The following MACROD1 variants were observed in gnomAD, a reference collection of about 807,000 sequenced individuals.
The protein encoded by MACROD1 is ADP-ribose glycohydrolase MACROD1.
Under a neutral mutation model 41.4 loss-of-function variants are expected in MACROD1, and 31 were observed. That is an observed-to-expected ratio of 0.75 (90% CI 0.56 to 1.01). The LOEUF (loss-of-function observed/expected upper bound fraction) is 1.01, where lower values mean the gene tolerates loss of function less well. Among genes scored for constraint, MACROD1 ranks in the 50% least tolerant of loss-of-function variants. The pLI, the probability that MACROD1 is intolerant of heterozygous loss-of-function variation, is 0.00. For missense variants in MACROD1, 473 were observed against 460.0 expected (o/e 1.03, Z -0.26); for synonymous variants, 252 against 203.4 (o/e 1.24, Z -2.03).
chr11:64,114,549 A>C (rs1171011168), intron 3 of MACROD1, among the ~76,000 whole-genome samples: 1 of 38,480 alleles, frequency 2.6e-5, no homozygotes, highest in African/African-American at 4.3e-5. Context: ...GGATTGATGC[A>C]TGGATGGATG....
intron 3 of MACROD1, among the ~76,000 whole-genome samples, chr11:64,100,212 TCC>T (rs749690479): frequency 6.6e-5 from 10 of 152,098 alleles, no homozygotes; most frequent in Non-Finnish European, 1.0e-4. Flanking sequence ...AGGTGCATTG[TCC>T]CCTGGCATAT....
At chr11:64,099,254 C>T (rs1944629868) in intron 3 of MACROD1, among the ~76,000 whole-genome samples, 1 of 152,388 alleles carries the variant, frequency 6.6e-6, no homozygotes, top group East Asian at 1.9e-4. Flanking sequence ...CAAGGCGGGG[C>T]TCTTGGCTCC....
chr11:64,091,912 CCG>C (rs1213049633), intron 3 of MACROD1, among the ~76,000 whole-genome samples: 1 of 152,198 alleles, frequency 6.6e-6, no homozygotes, highest in African/African-American at 2.4e-5. Context: ...TCTCTGTGTC[CCG>C]AGGCCTCTCT....
At chr11:64,130,661 C>G (rs1226893432) in intron 3 of MACROD1, among the ~76,000 whole-genome samples, 1 of 152,094 alleles carries the variant, frequency 6.6e-6, no homozygotes, top group Non-Finnish European at 1.5e-5. Flanking sequence ...TTCAGGCACC[C>G]CAAATAAGGC....
At chr11:64,106,354 G>T (rs1165730652) in intron 3 of MACROD1, among the ~76,000 whole-genome samples, 1 of 152,156 alleles carries the variant, frequency 6.6e-6, no homozygotes, top group African/African-American at 2.4e-5. Context: ...CCAGCCCTGG[G>T]TCTAGGTTCA....
intron 3 of MACROD1, among the ~76,000 whole-genome samples, chr11:64,020,561 A>G (rs1230688410): frequency 6.6e-6 from 1 of 151,556 alleles, no homozygotes; most frequent in Non-Finnish European, 1.5e-5. Context: ...AACTTGCCCC[A>G]TGCTCTCCAG....
rs567146294 is a variant in MACROD1 at position 64,031,624 on chromosome 11, A to T, written c.518-16343T>A. ...CTTCCCAGTAGCTGGGATTACAGGC[A>T]TCCGCCACCATGCCAGCTAATTTTT... On this transcript the variant is annotated intron_variant, in intron 3 of 10. Transcript: ENST00000255681. 2.0e-5 allele frequency among the ~76,000 whole-genome samples: 3 copies of T among 152,226 alleles called. No homozygotes were observed. In the South Asian group the frequency reaches 6.2e-4, roughly 32 times the overall value.
intron 3 of MACROD1, among the ~76,000 whole-genome samples, chr11:64,074,559 C>T (rs923657531): frequency 3.9e-5 from 6 of 152,208 alleles, no homozygotes; most frequent in East Asian, 1.9e-4. Flanking sequence ...GAAGCAATTC[C>T]GATGTCACCT....
In MACROD1 at chr11:64,120,451, C is replaced by T. The variant is rs1337937248; in HGVS notation, c.517+30788G>A. Among the ~76,000 whole-genome samples the T allele has an allele frequency of 6.6e-6, 1 of 152,204 alleles. No homozygotes were observed. Among genetic ancestry groups the T allele is most frequent in the Non-Finnish European group, 1.5e-5 (1 of 68,042 alleles). ...CCTGTAATCCCAGCACTTTGGGAGA[C>T]TGAGGCAGGCAGATTTTCTGAGGTC... is the stretch of plus-strand genomic sequence containing the variant. On this transcript the variant is annotated intron_variant, in intron 3 of 10. Transcript: ENST00000255681. This position sits in a 1 kb window ranked among gnomAD's most constrained non-coding sequence, Gnocchi z 4.5.
chr11:64,062,129 C>A (rs1004481310), intron 3 of MACROD1, among the ~76,000 whole-genome samples: 1 of 152,084 alleles, frequency 6.6e-6, no homozygotes, highest in Non-Finnish European at 1.5e-5. Context: ...CTCTCCTCCG[C>A]AAGGCCTTCC....
chr11:64,149,965 C>A (rs1945550551), intron 3 of MACROD1, among the ~76,000 whole-genome samples: 1 of 152,220 alleles, frequency 6.6e-6, no homozygotes, highest in Admixed American at 6.5e-5. Context: ...CTGCAGAAGC[C>A]CAAGGTGACC....
intron 4 of MACROD1, among the ~76,000 whole-genome samples, chr11:64,006,303 G>A (rs1341081855): frequency 6.6e-6 from 1 of 152,156 alleles, no homozygotes; most frequent in Non-Finnish European, 1.5e-5. Context: ...AACCATCTTT[G>A]CTTCTGCTCA....
At chr11:64,071,776 C>T (rs887595492) in intron 3 of MACROD1, among the ~76,000 whole-genome samples, 1 of 152,174 alleles carries the variant, frequency 6.6e-6, no homozygotes, top group Admixed American at 6.5e-5. Flanking sequence ...CCATCCTCCT[C>T]AGGGCCTGTG....
At chr11:64,059,277 T>C (rs1176042872) in intron 3 of MACROD1, among the ~76,000 whole-genome samples, 3 of 152,126 alleles carry the variant, frequency 2.0e-5, no homozygotes, top group Non-Finnish European at 4.4e-5. Context: ...GGTGCCGCCC[T>C]GTGAAGAGGG....
In MACROD1 at chr11:63,999,648, G is replaced by A. The variant is rs1294500032; in HGVS notation, c.780C>T (p.Arg260=). The change falls in exon 6 of 11, where the codon CGC becomes CGT. Residue 260 remains arginine (R), a synonymous_variant. Coordinates refer to ENST00000255681, the MANE Select transcript of MACROD1 (RefSeq NM_014067.4). ...CCCGCGGGCCGTCCCTCACCACCGA[G>A]CGGAGCCGGTGCTCCAGCAGCAGGT... ...SLDLLLEHRL[R]SVAFPCISTG... 6.2e-7 allele frequency: 1 copy of A among 1,609,444 alleles called. No individual in the cohort carries two copies.
chr11:64,135,003 G>A (rs1377486924), intron 3 of MACROD1, among the ~76,000 whole-genome samples: 3 of 152,186 alleles, frequency 2.0e-5, no homozygotes, highest in Non-Finnish European at 4.4e-5. Context: ...CCCCTGCCTG[G>A]CTCCCGATCA....
chr11:64,101,179 G>T (rs1006447118), intron 3 of MACROD1, among the ~76,000 whole-genome samples: 5 of 152,124 alleles, frequency 3.3e-5, no homozygotes, highest in African/African-American at 9.7e-5. Flanking sequence ...TCTTACAGAA[G>T]GGGAACAGTA....
intron 3 of MACROD1, among the ~76,000 whole-genome samples, chr11:64,124,051 C>T (rs1178894688): frequency 6.6e-6 from 1 of 152,202 alleles, no homozygotes; most frequent in African/African-American, 2.4e-5. Flanking sequence ...ACTGGTGTCC[C>T]CTGAAAACCC....
chr11:64,088,745 G>A (rs551618158), intron 3 of MACROD1, among the ~76,000 whole-genome samples: 1 of 152,254 alleles, frequency 6.6e-6, no homozygotes, highest in African/African-American at 2.4e-5. Flanking sequence ...AGGTCACTAA[G>A]AGCACGAGAT....
Sources: gnomAD v4.1 joint callset for allele counts (sites outside exome capture counted in the v4.1 genomes callset) on GRCh38, gnomAD v4.1.1 for gene constraint, Gnocchi (gnomAD v3.1) non-coding constraint, MANE v1.5 for transcripts, NCBI Gene and HGNC (gene_info 2026-07-23, HGNC 2026-07-21) for gene names.